TTC34: variants seen among roughly 807,000 people sequenced by gnomAD.
TTC34 encodes the protein tetratricopeptide repeat domain 34.
A neutral mutation model predicts 40.7 loss-of-function variants in TTC34; 44 were observed. That is an observed-to-expected ratio of 1.08 (90% CI 0.85 to 1.39). The LOEUF is 1.39. Ranked by LOEUF, TTC34 falls within the 40% of genes most tolerant of loss-of-function variation. TTC34 has a pLI of 0.00. For synonymous variants in TTC34, 422 were observed against 398.6 expected (o/e 1.06, Z -0.70); for missense variants, 884 against 838.0 (o/e 1.05, Z -0.68).
At chr1:2,693,322 G>A (rs1640712784) in intron 6 of TTC34, among the ~76,000 whole-genome samples, 1 of 119,520 alleles carries the variant, frequency 8.4e-6, no homozygotes, top group African/African-American at 3.0e-5. Flanking sequence ...GTGAGCCTCT[G>A]ACAGCCTGGA....
At chr1:2,773,702 AG>A (rs1475296566) in intron 6 of TTC34, 1 of 120,314 alleles carries the variant, frequency 8.3e-6, no homozygotes, top group Non-Finnish European at 1.7e-5. Flanking sequence ...CCACACCCCC[AG>A]GTGAGCATCT....
chr1:2,751,329 C>G (rs1278737705), intron 6 of TTC34, among the ~76,000 whole-genome samples: 1 of 132,458 alleles, frequency 7.5e-6, no homozygotes, highest in African/African-American at 3.1e-5. Flanking sequence ...ACAAACACCC[C>G]CAGGCGAGCA....
rs543897792 is a variant in TTC34 at position 2,694,666 on chromosome 1, C to G, written c.2227-49103G>C. On this transcript the variant is annotated intron_variant, in intron 6 of 8. Coordinates refer to ENST00000401095, the Ensembl canonical transcript of TTC34. ...GCATCTGACGGCCTGGAACAGCACA[C>G]ACACCGCCAGGTGACCATTGGACAC... is the stretch of plus-strand genomic sequence containing the variant. Among the ~76,000 whole-genome samples the G allele has an allele frequency of 1.4e-3, 117 of 83,886 alleles. 36 individuals are homozygous for G. The highest frequency in any genetic ancestry group is 1.8e-4 in the Non-Finnish European group (6 of 33,760). 55.0% of individuals were successfully genotyped at this position (83,886 alleles called of 152,430 possible). A position where few individuals can be genotyped will look rare whatever the true frequency, so the allele number is the denominator to read the frequency against.
chr1:2,685,895 T>C (rs1200376458), intron 6 of TTC34, among the ~76,000 whole-genome samples: 17 of 146,402 alleles, frequency 1.2e-4, no homozygotes, highest in African/African-American at 4.2e-4. Context: ...GGTGAGCATC[T>C]GACAGCCTGG....
At chr1:2,794,444 A>G (rs1643694609) in intron 2 of TTC34, among the ~76,000 whole-genome samples, 1 of 152,260 alleles carries the variant, frequency 6.6e-6, no homozygotes, top group South Asian at 2.1e-4. Context: ...ATTTATAAAT[A>G]TAAATAATGT....
At chr1:2,751,621 TC>T (rs1641323224) in intron 6 of TTC34, among the ~76,000 whole-genome samples, 1 of 16,212 alleles carries the variant, frequency 6.2e-5, no homozygotes, top group Admixed American at 9.5e-4. Flanking sequence ...CAGGCGAGCA[TC>T]TGACGGCCTG....
At chr1:2,697,532 G>T (rs1458002470) in intron 6 of TTC34, among the ~76,000 whole-genome samples, 1,065 of 141,770 alleles carry the variant, frequency 7.5e-3, no homozygotes, top group Admixed American at 0.014. Context: ...ACACACCCAG[G>T]CGAGCATCTG....
At chr1:2,644,951 A>G (rs1381943564) in intron 7 of TTC34, among the ~76,000 whole-genome samples, 1 of 151,990 alleles carries the variant, frequency 6.6e-6, no homozygotes, top group Non-Finnish European at 1.5e-5. Context: ...CTCCTGGAAC[A>G]GGGCCTGCCA....
rs545934890 is a variant in TTC34, at chr1:2,699,000, G to T, written c.2227-53437C>A. On this transcript the variant is annotated intron_variant, in intron 6 of 8. Coordinates refer to ENST00000401095, the Ensembl canonical transcript of TTC34. The stretch of plus-strand genomic sequence containing the variant: ...AGGTGAGCATCTGACAGCCTGGAAA[G>T]GCACCCACACCACCAGGTGAGCATC... 1.9e-4 allele frequency among the ~76,000 whole-genome samples: 16 copies of T among 84,290 alleles called. 5 individuals are homozygous for T. The East Asian group carries it at 6.2e-3, about 32-fold the overall frequency. 55.3% of individuals were successfully genotyped at this position (84,290 alleles called of 152,430 possible). A position where few individuals can be genotyped will look rare whatever the true frequency, so the allele number is the denominator to read the frequency against.
rs1192108297 is a variant in TTC34, at chr1:2,687,103, A to G, written c.2227-41540T>C. Among the ~76,000 whole-genome samples the G allele has an allele frequency of 3.7e-5, 5 of 136,594 alleles. No individual in the cohort carries two copies. In the East Asian group the frequency reaches 1.1e-3, roughly 31 times the overall value. 89.6% of individuals were successfully genotyped at this position (136,594 alleles called of 152,430 possible). On this transcript the variant is annotated intron_variant, in intron 6 of 8. Coordinates refer to ENST00000401095, the Ensembl canonical transcript of TTC34. ...CCACACCCCCAGGTGAACATCCGAC[A>G]TCGTGGAGTAGCACCCCACACCCAC...
Position 2,645,239 on chromosome 1 carries a change from G to A in TTC34, c.2497+54C>T, listed in dbSNP as rs1451749046. 1.4e-6 allele frequency: 2 copies of A among 1,429,688 alleles called. No individual in the cohort carries two copies. The highest frequency in any genetic ancestry group is 2.5e-5 in the East Asian group (1 of 39,404). 88.6% of individuals were successfully genotyped at this position (1,429,688 alleles called of 1,614,324 possible). On this transcript the variant is annotated intron_variant, in intron 7 of 8. Transcript: ENST00000401095. The surrounding 1 kb of genome is among the most constrained non-coding windows in gnomAD (Gnocchi z 4.7). ...ACAGAACAGGATACAGAGGTCAGAG[G>A]AGCGGGGACAGAAGCCCAGACCCCG...
intron 6 of TTC34, among the ~76,000 whole-genome samples, chr1:2,755,805 T>C (rs1187722914): frequency 2.9e-3 from 79 of 27,356 alleles, no homozygotes; most frequent in African/African-American, 7.6e-3. Flanking sequence ...CATCTGATGG[T>C]CTGGAGCAGC....
chr1:2,692,077 A>G (rs1255801932), intron 6 of TTC34, among the ~76,000 whole-genome samples: 2 of 127,290 alleles, frequency 1.6e-5, no homozygotes, highest in Non-Finnish European at 3.4e-5. Flanking sequence ...CCAGGTGAAC[A>G]TCCGACAGCC....
chr1:2,687,915 C>G (rs1336481627), intron 6 of TTC34, among the ~76,000 whole-genome samples: 1 of 137,948 alleles, frequency 7.2e-6, no homozygotes, highest in Non-Finnish European at 1.6e-5. Context: ...CAGACTGGAA[C>G]AGCACCCACA....
chr1:2,773,278 G>A (rs1241023373), intron 6 of TTC34, among the ~76,000 whole-genome samples: 2 of 110,464 alleles, frequency 1.8e-5, no homozygotes, highest in African/African-American at 3.1e-5. Context: ...GCATCTGACA[G>A]CCTGGGGCGG....
chr1:2,753,497 C>A lies in TTC34; in HGVS notation c.2226+30112G>T, dbSNP rs1246810847. On this transcript the variant is annotated intron_variant, in intron 6 of 8. Transcript: ENST00000401095. ...TGACAGCTTGGATCAGCACCCACAC[C>A]CCCAGGCGAGCATCGGACGGCCTGC... Among the ~76,000 whole-genome samples, 36 of 93,756 alleles carry A rather than the reference C, an allele frequency of 3.8e-4. 1 individual carries two copies. The highest frequency in any genetic ancestry group is 2.0e-3 in the African/African-American group (32 of 16,104). 61.5% of individuals were successfully genotyped at this position (93,756 alleles called of 152,430 possible). A position where few individuals can be genotyped will look rare whatever the true frequency, so the allele number is the denominator to read the frequency against.
chr1:2,645,660 C>T lies in TTC34; in HGVS notation c.2227-97G>A. ...AGGACTGGCTCTGTCTTTCTCATTC[C>T]CTGATCTTCTCCCTGGGGTCCTAGA... On this transcript the variant is annotated intron_variant, in intron 6 of 8. Transcript: ENST00000401095. This position sits in a 1 kb window ranked among gnomAD's most constrained non-coding sequence, Gnocchi z 4.7. 2 of 1,283,204 alleles carry T rather than the reference C, an allele frequency of 1.6e-6. No homozygotes were observed. Among genetic ancestry groups the T allele is most frequent in the Non-Finnish European group, 2.0e-6 (2 of 979,698 alleles). The allele number at this position is 1,283,204 out of a possible 1,614,324, so 79.5% of individuals were successfully genotyped here.
At chr1:2,783,477 C>G in intron 6 of TTC34, 132 bp downstream of exon 6, 3 of 959,606 alleles carry the variant, frequency 3.1e-6, no homozygotes, top group Non-Finnish European at 4.1e-6. Context: ...GGGATGGGAA[C>G]ATGGGTTTTG....
At chr1:2,639,752 C>T (rs529748887) in exon 9 of TTC34, 6 of 152,444 alleles carry the variant, frequency 3.9e-5, no homozygotes, top group African/African-American at 1.4e-4. Flanking sequence ...GCTGAAGGTC[C>T]CTGTCAGGGC....
Sources: gnomAD v4.1 joint callset for allele counts (sites outside exome capture counted in the v4.1 genomes callset) on GRCh38, gnomAD v4.1.1 for gene constraint, Gnocchi (gnomAD v3.1) non-coding constraint, MANE v1.5 for transcripts, NCBI Gene and HGNC (gene_info 2026-07-23, HGNC 2026-07-21) for gene names.